Variants in PACRG observed in about 807,000 individuals in gnomAD.
PACRG encodes parkin coregulated.
In PACRG, 29 loss-of-function variants were observed where a neutral mutation model predicts 29.7. That is an observed-to-expected ratio of 0.98 (90% CI 0.73 to 1.33). The LOEUF (loss-of-function observed/expected upper bound fraction) is 1.33. Among genes scored for constraint, PACRG ranks in the 40% most tolerant of loss-of-function variants. PACRG has a pLI of 0.00. For missense variants in PACRG, 279 were observed against 316.2 expected (o/e 0.88, Z 0.89); for synonymous variants, 116 against 118.7 (o/e 0.98, Z 0.15).
intron 4 of PACRG, among the ~76,000 whole-genome samples, chr6:163,187,034 C>A (rs993716797): frequency 6.6e-6 from 1 of 152,214 alleles, no homozygotes; most frequent in Non-Finnish European, 1.5e-5. Flanking sequence ...GGAGACACCC[C>A]CCGTCCTCAA....
intron 2 of PACRG, among the ~76,000 whole-genome samples, chr6:162,844,975 T>TG (rs1790228079): frequency 6.6e-6 from 1 of 152,162 alleles, no homozygotes; most frequent in Non-Finnish European, 1.5e-5. Flanking sequence ...CCAATGTGAG[T>TG]CTGCCTAGTA....
chr6:163,195,743 G>A (rs935460178), intron 4 of PACRG, among the ~76,000 whole-genome samples: 1 of 152,106 alleles, frequency 6.6e-6, no homozygotes, highest in Non-Finnish European at 1.5e-5. Flanking sequence ...GAGATTCTGC[G>A]CCTAAAGACA....
intron 1 of PACRG, among the ~76,000 whole-genome samples, chr6:162,746,991 C>T (rs1781037335): frequency 6.6e-6 from 1 of 151,834 alleles, no homozygotes; most frequent in African/African-American, 2.4e-5. Flanking sequence ...TTAGTAAAAC[C>T]AAAGAAACCA....
chr6:163,268,825 T>C (rs1268880556), intron 4 of PACRG, among the ~76,000 whole-genome samples: 1 of 152,220 alleles, frequency 6.6e-6, no homozygotes, highest in Non-Finnish European at 1.5e-5. Context: ...CGTAGCTTCC[T>C]TCTTGCTCTG....
At chr6:162,816,190 A>G (rs1230679816) in intron 2 of PACRG, among the ~76,000 whole-genome samples, 1 of 152,212 alleles carries the variant, frequency 6.6e-6, no homozygotes, top group East Asian at 1.9e-4. Context: ...CTAAAAAGTA[A>G]TAAAAAGAAG....
intron 1 of PACRG, among the ~76,000 whole-genome samples, chr6:162,792,159 C>T (rs1785005595): frequency 6.6e-6 from 1 of 152,080 alleles, no homozygotes; most frequent in Non-Finnish European, 1.5e-5. Flanking sequence ...GCTGAGGCCT[C>T]AGCATACGGT....
intron 4 of PACRG, among the ~76,000 whole-genome samples, chr6:163,232,181 ATGT>A (rs1782071158): frequency 6.6e-6 from 1 of 152,200 alleles, no homozygotes; most frequent in African/African-American, 2.4e-5. Flanking sequence ...CAACACAGTG[ATGT>A]TCATTCCAGG....
intron 4 of PACRG, among the ~76,000 whole-genome samples, chr6:163,138,414 C>G (rs1391561686): frequency 1.3e-5 from 2 of 152,182 alleles, no homozygotes; most frequent in East Asian, 3.9e-4. Flanking sequence ...CGAGAAGAGG[C>G]AGTCCCCAAC....
chr6:163,068,703 A>G (rs1416869002), intron 3 of PACRG, among the ~76,000 whole-genome samples: 2 of 151,776 alleles, frequency 1.3e-5, no homozygotes, highest in South Asian at 2.1e-4. Context: ...GCTTAGTTCT[A>G]TTTCCTGAGA....
At chr6:163,290,284 A>G (rs879563788) in intron 4 of PACRG, among the ~76,000 whole-genome samples, 3,562 of 77,796 alleles carry the variant, frequency 0.046, 100 homozygotes, top group African/African-American at 0.15. Flanking sequence ...GCGCGCACAC[A>G]CACACACACA....
chr6:163,214,385 A>C (rs972461204), intron 4 of PACRG, among the ~76,000 whole-genome samples: 2 of 152,126 alleles, frequency 1.3e-5, no homozygotes, highest in Non-Finnish European at 2.9e-5. Context: ...TTCTCATAAG[A>C]AATCTAGACT....
At chr6:162,806,784 C>T (rs999256720) in intron 1 of PACRG, among the ~76,000 whole-genome samples, 6 of 152,298 alleles carry the variant, frequency 3.9e-5, no homozygotes, top group African/African-American at 1.4e-4. Flanking sequence ...AACTTAGAGT[C>T]ACCAGCTGCG....
intron 4 of PACRG, among the ~76,000 whole-genome samples, chr6:163,246,593 G>A (rs142622273): frequency 0.01 from 1,541 of 152,292 alleles, 20 homozygotes; most frequent in South Asian, 0.051. Context: ...GAGAACAGGG[G>A]CTCTGTCTCA....
chr6:162,757,988 G>A (rs369417763), intron 1 of PACRG, among the ~76,000 whole-genome samples: 23 of 152,250 alleles, frequency 1.5e-4, no homozygotes, highest in African/African-American at 5.3e-4. Context: ...TCAATAGTAC[G>A]AAAGTCTGAA....
At chr6:162,727,502 A>C (rs1198902089), upstream of PACRG, among the ~76,000 whole-genome samples, 1 of 150,320 alleles carries the variant, frequency 6.7e-6, no homozygotes, top group African/African-American at 2.4e-5. Flanking sequence ...CGCGTCGCTG[A>C]GCTGGGGAGC....
chr6:163,241,342 C>G (rs962919912), intron 4 of PACRG, among the ~76,000 whole-genome samples: 3 of 152,030 alleles, frequency 2.0e-5, no homozygotes, highest in African/African-American at 7.2e-5. Context: ...ATTTACACAC[C>G]AAGAAAAGCA....
intron 4 of PACRG, among the ~76,000 whole-genome samples, chr6:163,287,414 G>A (rs1784439211): frequency 6.6e-6 from 1 of 152,178 alleles, no homozygotes; most frequent in Admixed American, 6.5e-5. Flanking sequence ...CCTCCCAGCA[G>A]CCTTCGCCGC....
intron 1 of PACRG, among the ~76,000 whole-genome samples, chr6:162,799,956 C>G (rs1382815810): frequency 1.3e-5 from 2 of 152,194 alleles, no homozygotes; most frequent in African/African-American, 4.8e-5. Context: ...ATTTTACACT[C>G]TTGCCCATTT....
At chr6:163,153,079 T>C (rs894114704) in intron 4 of PACRG, among the ~76,000 whole-genome samples, 2 of 152,240 alleles carry the variant, frequency 1.3e-5, no homozygotes, top group African/African-American at 4.8e-5. Flanking sequence ...GACAAATTTC[T>C]ATATCGAATA....
Sources: gnomAD v4.1 joint callset for allele counts (sites outside exome capture counted in the v4.1 genomes callset) on GRCh38, gnomAD v4.1.1 for gene constraint, MANE v1.5 for transcripts, NCBI Gene and HGNC (gene_info 2026-07-23, HGNC 2026-07-21) for gene names.